The following EPB41L2 variants were observed in gnomAD, a reference collection of about 807,000 sequenced individuals.
EPB41L2 encodes the protein erythrocyte membrane protein band 4.1 like 2.
In EPB41L2, 43 loss-of-function variants were observed where a neutral mutation model predicts 113.0. The observed-to-expected ratio is 0.38, with a 90% CI of 0.30 to 0.49. The LOEUF is 0.49. Ranked by LOEUF, EPB41L2 falls within the 20% of genes least tolerant of loss-of-function variation. The probability of loss-of-function intolerance (pLI) is 0.95; values close to 1 mark genes in which losing one functional copy is unlikely to be tolerated. For synonymous variants in EPB41L2, 442 were observed against 436.7 expected, an observed-to-expected ratio of 1.01 and a Z score of -0.15; for missense variants, 1,147 against 1,223.4, an observed-to-expected ratio of 0.94 and a Z score of 0.93.
At chr6:130,865,716 T>C in intron 16 of EPB41L2, 82 bp from the exon 17 acceptor site, 3 of 1,363,484 alleles carry the variant, frequency 2.2e-6, no homozygotes, top group Non-Finnish European at 3.1e-6. Flanking sequence ...CCATCGAATA[T>C]GCATCTTTTA....
intron 1 of EPB41L2, among the ~76,000 whole-genome samples, chr6:131,033,977 ATG>A (rs1173666690): frequency 6.6e-6 from 1 of 152,228 alleles, no homozygotes; most frequent in Non-Finnish European, 1.5e-5. Flanking sequence ...ATATCTTTAT[ATG>A]TATTTTACCA....
At chr6:131,057,237 A>T (rs995901217) in intron 1 of EPB41L2, among the ~76,000 whole-genome samples, 2 of 152,154 alleles carry the variant, frequency 1.3e-5, no homozygotes, top group Non-Finnish European at 2.9e-5. Context: ...TTGTGCACAC[A>T]CACACAGAGA....
intron 1 of EPB41L2, among the ~76,000 whole-genome samples, chr6:131,026,184 A>G (rs1352049447): frequency 6.6e-6 from 1 of 152,224 alleles, no homozygotes; most frequent in Non-Finnish European, 1.5e-5. Flanking sequence ...TTGAAGCTGT[A>G]TGAACAAGAG....
chr6:130,858,525 T>G (rs551831830), intron 18 of EPB41L2, among the ~76,000 whole-genome samples: 8 of 152,378 alleles, frequency 5.3e-5, no homozygotes, highest in African/African-American at 1.9e-4. Context: ...ACTGTGAGAT[T>G]TGGAGAAAAC....
At chr6:130,895,155 C>T (rs754729304) in intron 8 of EPB41L2, 36 bp from the exon 9 acceptor site, 1 of 1,555,104 alleles carries the variant, frequency 6.4e-7, no homozygotes, top group East Asian at 2.3e-5. Context: ...TGGTTAAGAG[C>T]TGTGAAAGTT....
At chr6:130,997,405 G>C (rs1051368172) in intron 1 of EPB41L2, among the ~76,000 whole-genome samples, 2 of 152,172 alleles carry the variant, frequency 1.3e-5, no homozygotes, top group African/African-American at 2.4e-5. Context: ...TATGAAGGTA[G>C]TCAAAAAGCA....
chr6:131,002,946 A>C (rs1311970438), intron 1 of EPB41L2, among the ~76,000 whole-genome samples: 1 of 152,272 alleles, frequency 6.6e-6, no homozygotes, highest in African/African-American at 2.4e-5. Context: ...GATAAAGTAA[A>C]ACAGGCAGAA....
chr6:130,903,488 A>G (rs542677529), intron 6 of EPB41L2, among the ~76,000 whole-genome samples: 1 of 152,144 alleles, frequency 6.6e-6, no homozygotes, highest in African/African-American at 2.4e-5. Flanking sequence ...ATGAACTCTT[A>G]ACCACTTCCA....
At chr6:130,979,329 T>C (rs1315686085) in intron 1 of EPB41L2, among the ~76,000 whole-genome samples, 2 of 151,140 alleles carry the variant, frequency 1.3e-5, no homozygotes, top group South Asian at 2.1e-4. Flanking sequence ...CTCCTAAAAA[T>C]ATAAAAATTA....
At chr6:130,893,553 C>A (rs1437171512) in intron 10 of EPB41L2, among the ~76,000 whole-genome samples, 2 of 152,206 alleles carry the variant, frequency 1.3e-5, no homozygotes, top group African/African-American at 4.8e-5. Context: ...GCTTGCCTAG[C>A]AGCACTGAGG....
intron 1 of EPB41L2, among the ~76,000 whole-genome samples, chr6:130,961,282 C>T (rs906360630): frequency 5.3e-5 from 8 of 152,162 alleles, no homozygotes; most frequent in Non-Finnish European, 1.0e-4. Flanking sequence ...GACACAATTA[C>T]CATGTTGGCA....
At chr6:130,872,424 C>T (rs934576728) in intron 14 of EPB41L2, 98 of 1,289,224 alleles carry the variant, frequency 7.6e-5, no homozygotes, top group Non-Finnish European at 9.3e-5. Context: ...GGTGCATTAG[C>T]GCTCACAACA....
At chr6:131,004,574 C>T (rs1044450186) in intron 1 of EPB41L2, among the ~76,000 whole-genome samples, 3 of 152,106 alleles carry the variant, frequency 2.0e-5, no homozygotes, top group African/African-American at 2.4e-5. Context: ...TAAGGAGTTC[C>T]GACTAGCACA....
intron 1 of EPB41L2, among the ~76,000 whole-genome samples, chr6:131,055,965 G>A (rs1335890147): frequency 1.3e-5 from 2 of 152,162 alleles, no homozygotes; most frequent in African/African-American, 4.8e-5. Flanking sequence ...TCAGGGACAG[G>A]TTAAGCAAAG....
At chr6:130,982,709 T>C (rs1177663568) in intron 1 of EPB41L2, among the ~76,000 whole-genome samples, 4 of 152,226 alleles carry the variant, frequency 2.6e-5, no homozygotes, top group Non-Finnish European at 1.5e-5. Flanking sequence ...GAAAATATTT[T>C]ACTAATAATA....
rs576945525 is a variant in EPB41L2, at chr6:131,026,476, G to A, written c.-15+36679C>T. On this transcript the variant is annotated intron_variant, in intron 1 of 19. Transcript: ENST00000337057. ...TTTTGTTTTTCTTGCTTGGGGGAGA[G>A]CAGGAAAGGAATGGTTCAGCTTTCC... is the stretch of plus-strand genomic sequence containing the variant. Among the ~76,000 whole-genome samples the A allele has an allele frequency of 1.6e-3, 243 of 152,270 alleles. 3 individuals are homozygous for A. The highest frequency in any genetic ancestry group is 0.014 in the Middle Eastern group (4 of 294).
intron 11 of EPB41L2, among the ~76,000 whole-genome samples, chr6:130,890,081 A>G (rs919540514): frequency 2.0e-5 from 3 of 152,208 alleles, no homozygotes; most frequent in Non-Finnish European, 2.9e-5. Flanking sequence ...AAAAAAAGAA[A>G]AAAGTGTGAC....
chr6:130,902,030 C>T (rs1796437051), intron 6 of EPB41L2, among the ~76,000 whole-genome samples: 1 of 152,198 alleles, frequency 6.6e-6, no homozygotes, highest in South Asian at 2.1e-4. Flanking sequence ...GTGGGTTTCC[C>T]CCACCTTTTA....
rs990214106 is a variant in EPB41L2 at position 130,865,587 on chromosome 6, T to C, written c.2778A>G (p.Gln926=). ...GGDSGTLLTA[Q]TITSESVSTT... ...TTGACACGGACTCAGATGTGATGGTTTGTGCGGTCAGTAACGTGCCCGAAT... is the reference window on the plus strand; with the variant it reads ...TTGACACGGACTCAGATGTGATGGTCTGTGCGGTCAGTAACGTGCCCGAAT... The change falls in exon 17 of 20, where the codon CAA becomes CAG. Residue 926 remains glutamine (Q), a synonymous_variant. Coordinates refer to ENST00000337057, the MANE Select transcript of EPB41L2 (RefSeq NM_001431.4). The C allele has an allele frequency of 1.2e-6, 2 of 1,614,196 alleles. No individual in the cohort carries two copies. Among genetic ancestry groups the C allele is most frequent in the Admixed American group, 1.7e-5 (1 of 60,022 alleles).
Sources: gnomAD v4.1 joint callset for allele counts (sites outside exome capture counted in the v4.1 genomes callset) on GRCh38, gnomAD v4.1.1 for gene constraint, MANE v1.5 for transcripts, NCBI Gene and HGNC (gene_info 2026-07-23, HGNC 2026-07-21) for gene names.